Variants in SGCZ observed in about 807,000 individuals in gnomAD.
SGCZ encodes the protein zeta-sarcoglycan.
A neutral mutation model predicts 41.3 loss-of-function variants in SGCZ; 40 were observed. The ratio of observed to expected loss-of-function variants is 0.97; its 90% CI spans 0.75 to 1.26. The LOEUF (loss-of-function observed/expected upper bound fraction) is 1.26. Ranked by LOEUF, SGCZ falls within the 50% of genes most tolerant of loss-of-function variation. The pLI, the probability that SGCZ is intolerant of heterozygous loss-of-function variation, is 0.00. For missense variants in SGCZ, 552 were observed against 369.8 expected (o/e 1.49, Z -4.04); for synonymous variants, 206 against 137.5 (o/e 1.50, Z -3.49).
At chr8:14,311,627 T>C (rs1801547382) in intron 3 of SGCZ, among the ~76,000 whole-genome samples, 1 of 152,194 alleles carries the variant, frequency 6.6e-6, no homozygotes, top group South Asian at 2.1e-4. Context: ...GGTAAAAACT[T>C]GTGAAACAAG....
At chr8:14,331,565 G>A (rs535479944) in intron 2 of SGCZ, among the ~76,000 whole-genome samples, 2 of 151,990 alleles carry the variant, frequency 1.3e-5, no homozygotes, top group African/African-American at 2.4e-5. Context: ...ACTCTATAGT[G>A]GTAACAATTG....
At chr8:15,121,050 C>A (rs1807458798) in intron 1 of SGCZ, among the ~76,000 whole-genome samples, 1 of 152,134 alleles carries the variant, frequency 6.6e-6, no homozygotes, top group African/African-American at 2.4e-5. Flanking sequence ...TTTGAAATAA[C>A]CACTTCTTCA....
chr8:14,132,829 G>T (rs1202926053), intron 5 of SGCZ, among the ~76,000 whole-genome samples: 1 of 152,068 alleles, frequency 6.6e-6, no homozygotes, highest in Non-Finnish European at 1.5e-5. Context: ...TGCGAATTGT[G>T]CTGGTTTTTG....
intron 5 of SGCZ, among the ~76,000 whole-genome samples, chr8:14,111,373 T>A (rs939322940): frequency 2.0e-5 from 3 of 152,290 alleles, no homozygotes; most frequent in Admixed American, 6.5e-5. Context: ...CAGATCTGAC[T>A]TACTTATGCT....
At chr8:15,014,013 A>C (rs1802931587) in intron 1 of SGCZ, among the ~76,000 whole-genome samples, 1 of 152,224 alleles carries the variant, frequency 6.6e-6, no homozygotes, top group South Asian at 2.1e-4. Flanking sequence ...GTTCAATCCC[A>C]AACGGGTGAA....
At chr8:14,810,638 G>A (rs191934226) in intron 1 of SGCZ, among the ~76,000 whole-genome samples, 270 of 152,112 alleles carry the variant, frequency 1.8e-3, no homozygotes, top group Non-Finnish European at 3.0e-3. Context: ...ATATTGCACT[G>A]GAGATGGCTA....
At chr8:14,925,137 C>T (rs570224656) in intron 1 of SGCZ, among the ~76,000 whole-genome samples, 2 of 152,082 alleles carry the variant, frequency 1.3e-5, no homozygotes, top group African/African-American at 4.8e-5. Flanking sequence ...GGATTATAGG[C>T]GTGAGGCACC....
At chr8:14,486,625 G>C (rs1316200001) in intron 2 of SGCZ, among the ~76,000 whole-genome samples, 13 of 152,336 alleles carry the variant, frequency 8.5e-5, no homozygotes, top group Non-Finnish European at 4.4e-5. Context: ...CCAGGCTGAA[G>C]TGCCACGGCA....
chr8:14,198,415 A>G (rs1197468714), intron 4 of SGCZ, among the ~76,000 whole-genome samples: 2 of 152,200 alleles, frequency 1.3e-5, no homozygotes, highest in African/African-American at 4.8e-5. Context: ...AAGTCAAAAA[A>G]GGAACAATGG....
intron 1 of SGCZ, among the ~76,000 whole-genome samples, chr8:14,621,040 C>A (rs1340089999): frequency 2.0e-5 from 3 of 151,922 alleles, no homozygotes; most frequent in Non-Finnish European, 2.9e-5. Flanking sequence ...GAACCAACCC[C>A]AATGTCCATC....
chr8:14,731,674 G>A (rs1167355535), intron 1 of SGCZ, among the ~76,000 whole-genome samples: 1 of 151,988 alleles, frequency 6.6e-6, no homozygotes, highest in Non-Finnish European at 1.5e-5. Context: ...TTCTTCTCCA[G>A]CATTCCATTT....
intron 2 of SGCZ, among the ~76,000 whole-genome samples, chr8:14,358,452 G>T (rs1319024384): frequency 6.6e-6 from 1 of 151,976 alleles, no homozygotes. Context: ...TCACCAGATG[G>T]TAACGCAATG....
intron 1 of SGCZ, among the ~76,000 whole-genome samples, chr8:15,208,592 C>T (rs529316095): frequency 6.6e-6 from 1 of 152,288 alleles, no homozygotes; most frequent in South Asian, 2.1e-4. Flanking sequence ...ATAATTATCT[C>T]ACTGAAAGTT....
At chr8:14,583,407 C>T (rs948141365) in intron 1 of SGCZ, among the ~76,000 whole-genome samples, 2 of 151,892 alleles carry the variant, frequency 1.3e-5, no homozygotes, top group Admixed American at 6.6e-5. Context: ...GGATATTAGC[C>T]CTTTGTCAGA....
intron 5 of SGCZ, among the ~76,000 whole-genome samples, chr8:14,115,167 GT>G (rs1242768423): frequency 6.6e-6 from 1 of 151,942 alleles, no homozygotes; most frequent in Non-Finnish European, 1.5e-5. Flanking sequence ...TACTGAGGTT[GT>G]TGTTTTGCCC....
At chr8:14,507,362 T>A (rs1468829841) in intron 2 of SGCZ, among the ~76,000 whole-genome samples, 1 of 152,148 alleles carries the variant, frequency 6.6e-6, no homozygotes, top group Non-Finnish European at 1.5e-5. Flanking sequence ...CCTGTATAAT[T>A]AAAATCTTCT....
chr8:14,210,066 CTCTT>C (rs1269807374), intron 4 of SGCZ, among the ~76,000 whole-genome samples: 1 of 151,928 alleles, frequency 6.6e-6, no homozygotes, highest in Non-Finnish European at 1.5e-5. Context: ...TTGTTTGTTT[CTCTT>C]TCTTTGAGAC....
chr8:14,443,891 A>G (rs1489673491), intron 2 of SGCZ, among the ~76,000 whole-genome samples: 2 of 152,218 alleles, frequency 1.3e-5, no homozygotes, highest in East Asian at 3.9e-4. Flanking sequence ...AGAATGGGAG[A>G]AAATTTTTGC....
intron 1 of SGCZ, among the ~76,000 whole-genome samples, chr8:14,704,161 G>C (rs1234827520): frequency 6.6e-6 from 1 of 151,984 alleles, no homozygotes; most frequent in Non-Finnish European, 1.5e-5. Context: ...GGGGTAACTA[G>C]TTCATGGTCG....
Sources: allele counts gnomAD v4.1 joint callset (sites outside exome capture counted in the v4.1 genomes callset), GRCh38; gene constraint gnomAD v4.1.1; transcripts MANE v1.5; gene names NCBI Gene and HGNC (gene_info 2026-07-23, HGNC 2026-07-21).